CAMKMT: variants seen among roughly 807,000 people sequenced by gnomAD.
The protein encoded by CAMKMT is CaM KMT.
In CAMKMT, 53 loss-of-function variants were observed where a neutral mutation model predicts 48.0. The observed-to-expected ratio is 1.10, with a 90% CI of 0.89 to 1.39. CAMKMT has a LOEUF of 1.39. CAMKMT is among the 40% of genes most tolerant of loss of function. CAMKMT has a pLI of 0.00. For missense variants in CAMKMT, 428 were observed against 402.7 expected, an observed-to-expected ratio of 1.06 and a Z score of -0.54; for synonymous variants, 165 against 152.3, an observed-to-expected ratio of 1.08 and a Z score of -0.61.
At chr2:44,686,552 C>T (rs1365378918) in intron 3 of CAMKMT, among the ~76,000 whole-genome samples, 1 of 152,172 alleles carries the variant, frequency 6.6e-6, no homozygotes, top group Non-Finnish European at 1.5e-5. Context: ...ACTATCTTTG[C>T]AACTTTTCTG....
chr2:44,707,777 C>G (rs1211163210), intron 6 of CAMKMT, among the ~76,000 whole-genome samples: 1 of 151,980 alleles, frequency 6.6e-6, no homozygotes, highest in Non-Finnish European at 1.5e-5. Context: ...TTGGAATTTG[C>G]CAGTGTAAAA....
intron 2 of CAMKMT, among the ~76,000 whole-genome samples, chr2:44,384,018 A>G (rs916912883): frequency 6.6e-6 from 1 of 152,176 alleles, no homozygotes; most frequent in African/African-American, 2.4e-5. Flanking sequence ...ACCAAATGGT[A>G]GTTCTACTTT....
At chr2:44,610,372 G>T (rs551325565) in intron 3 of CAMKMT, among the ~76,000 whole-genome samples, 1 of 152,242 alleles carries the variant, frequency 6.6e-6, no homozygotes, top group South Asian at 2.1e-4. Context: ...ATAAAGGGAA[G>T]AATAAGGACC....
At chr2:44,616,237 G>T (rs1395957286) in intron 3 of CAMKMT, among the ~76,000 whole-genome samples, 1 of 152,092 alleles carries the variant, frequency 6.6e-6, no homozygotes, top group Non-Finnish European at 1.5e-5. Flanking sequence ...ATATTCAGCT[G>T]AGTGATCTTT....
At chr2:44,452,432 C>T (rs905540451) in intron 3 of CAMKMT, among the ~76,000 whole-genome samples, 1 of 151,994 alleles carries the variant, frequency 6.6e-6, no homozygotes, top group Non-Finnish European at 1.5e-5. Flanking sequence ...CTGTTTGCCA[C>T]ATGTGTGCCT....
At chr2:44,604,493 A>G (rs978265957) in intron 3 of CAMKMT, among the ~76,000 whole-genome samples, 1 of 152,002 alleles carries the variant, frequency 6.6e-6, no homozygotes, top group African/African-American at 2.4e-5. Context: ...GAAGATTTTC[A>G]ACATATTGGA....
chr2:44,420,874 T>C (rs986685505), intron 3 of CAMKMT, among the ~76,000 whole-genome samples: 1 of 152,086 alleles, frequency 6.6e-6, no homozygotes, highest in African/African-American at 2.4e-5. Context: ...GTCTAAGGGA[T>C]TAACTGTCAC....
chr2:44,512,386 T>A (rs1163315625), intron 3 of CAMKMT, among the ~76,000 whole-genome samples: 1 of 152,228 alleles, frequency 6.6e-6, no homozygotes, highest in Non-Finnish European at 1.5e-5. Flanking sequence ...ACCTGGCATG[T>A]TGTAAGCATT....
At chr2:44,753,896 C>T (rs1172250417) in intron 8 of CAMKMT, among the ~76,000 whole-genome samples, 159 bp from the exon 9 acceptor site, 1 of 152,214 alleles carries the variant, frequency 6.6e-6, no homozygotes, top group East Asian at 1.9e-4. Flanking sequence ...TATCTTCTCC[C>T]CTCCCACCCC....
chr2:44,532,862 G>T lies in CAMKMT; in HGVS notation c.376+142557G>T, dbSNP rs569618485. ...CAGAGTCTCGCTGTCACCCAGGCTG[G>T]AGTACAGTGGTGTGATCACAGCTCA... On this transcript the variant is annotated intron_variant, in intron 3 of 10. Transcript: ENST00000378494. Among the ~76,000 whole-genome samples the T allele has an allele frequency of 7.9e-5, 12 of 151,790 alleles. No individual in the cohort carries two copies. The East Asian group carries it at 2.1e-3, about 27-fold the overall frequency.
At chr2:44,502,532 A>G (rs1670056871) in intron 3 of CAMKMT, among the ~76,000 whole-genome samples, 1 of 152,216 alleles carries the variant, frequency 6.6e-6, no homozygotes, top group Admixed American at 6.5e-5. Context: ...TTAAATTGAT[A>G]ATGCTTGATA....
At chr2:44,573,331 T>C (rs977947550) in intron 3 of CAMKMT, among the ~76,000 whole-genome samples, 1 of 152,076 alleles carries the variant, frequency 6.6e-6, no homozygotes, top group Admixed American at 6.6e-5. Flanking sequence ...AGTAGTAATG[T>C]CTTGTTAGAT....
rs539544568 is a variant in CAMKMT, at chr2:44,731,458, CTA to C, written c.624-12161_624-12160del. ...ATGAGAAAATAAATTCTTTAAACCTCTATAGGGAGAGTTATCTGTGATCACTG... is the reference window on the plus strand; with the variant it reads ...ATGAGAAAATAAATTCTTTAAACCTCTAGGGAGAGTTATCTGTGATCACTG... On this transcript the variant is annotated intron_variant, in intron 7 of 10. Transcript: ENST00000378494. Among the ~76,000 whole-genome samples the C allele has an allele frequency of 1.3e-4, 20 of 152,284 alleles. No homozygotes were observed. The East Asian group carries it at 3.9e-3, about 29-fold the overall frequency.
intron 3 of CAMKMT, among the ~76,000 whole-genome samples, chr2:44,415,455 C>T (rs1412564902): frequency 6.6e-6 from 1 of 152,112 alleles, no homozygotes; most frequent in Non-Finnish European, 1.5e-5. Flanking sequence ...TATGTTAATT[C>T]GTTATTTCCA....
chr2:44,663,490 C>T (rs1281628536), intron 3 of CAMKMT, among the ~76,000 whole-genome samples: 1 of 152,220 alleles, frequency 6.6e-6, no homozygotes, highest in East Asian at 1.9e-4. Flanking sequence ...TAACTATGGA[C>T]ATTTCAATGT....
intron 3 of CAMKMT, among the ~76,000 whole-genome samples, chr2:44,587,233 A>T (rs1437118601): frequency 6.6e-6 from 1 of 152,188 alleles, no homozygotes; most frequent in African/African-American, 2.4e-5. Flanking sequence ...ATTTGGGAAG[A>T]AGTGACTTCT....
chr2:44,418,069 A>G lies in CAMKMT; in HGVS notation c.376+27764A>G, dbSNP rs1258993052. 2.6e-5 allele frequency among the ~76,000 whole-genome samples: 4 copies of G among 151,896 alleles called. No homozygotes were observed. In the East Asian group the frequency reaches 7.7e-4, roughly 29 times the overall value. On this transcript the variant is annotated intron_variant, in intron 3 of 10. Coordinates refer to ENST00000378494, the MANE Select transcript of CAMKMT (RefSeq NM_024766.5). ...TAGTCGGGCATGGTGGCACGTGCCT[A>G]TAATCCCAAATACTCTGGAGGCTGA...
intron 3 of CAMKMT, among the ~76,000 whole-genome samples, chr2:44,654,101 T>C (rs572338158): frequency 6.6e-6 from 1 of 152,334 alleles, no homozygotes; most frequent in South Asian, 2.1e-4. Context: ...GCTAGTGCCC[T>C]GTCACTTACC....
At chr2:44,625,959 C>T (rs554297887) in intron 3 of CAMKMT, among the ~76,000 whole-genome samples, 2 of 152,096 alleles carry the variant, frequency 1.3e-5, no homozygotes, top group Admixed American at 6.5e-5. Context: ...TAATTTTGTT[C>T]TACTTTTTCC....
Sources: allele counts gnomAD v4.1 joint callset (sites outside exome capture counted in the v4.1 genomes callset), GRCh38; gene constraint gnomAD v4.1.1; transcripts MANE v1.5; gene names NCBI Gene and HGNC (gene_info 2026-07-23, HGNC 2026-07-21).